Variants in DENND1A observed in about 807,000 individuals in gnomAD.
DENND1A encodes DENN domain-containing protein 1A.
A neutral mutation model predicts 113.7 loss-of-function variants in DENND1A; 51 were observed. The ratio of observed to expected loss-of-function variants is 0.45; its 90% CI spans 0.36 to 0.57. The LOEUF (loss-of-function observed/expected upper bound fraction) is 0.57, where lower values mean the gene tolerates loss of function less well. Among genes scored for constraint, DENND1A ranks in the 20% least tolerant of loss-of-function variants. The pLI, the probability that DENND1A is intolerant of heterozygous loss-of-function variation, is 0.00. For synonymous variants in DENND1A, 565 were observed against 570.8 expected, an observed-to-expected ratio of 0.99 and a Z score of 0.14; for missense variants, 1,258 against 1,395.9, an observed-to-expected ratio of 0.90 and a Z score of 1.57.
At chr9:123,800,087 C>A (rs898977971) in intron 2 of DENND1A, among the ~76,000 whole-genome samples, 3 of 152,202 alleles carry the variant, frequency 2.0e-5, no homozygotes, top group Admixed American at 6.5e-5. Flanking sequence ...TTATCAGAAA[C>A]TGATTTTCTC....
chr9:123,817,511 T>C (rs1445293964), intron 2 of DENND1A, among the ~76,000 whole-genome samples: 1 of 152,212 alleles, frequency 6.6e-6, no homozygotes, highest in Non-Finnish European at 1.5e-5. Context: ...CCTCACAAGA[T>C]AATAACCTTA....
At chr9:123,854,912 T>C (rs1173281846) in intron 2 of DENND1A, among the ~76,000 whole-genome samples, 1 of 150,392 alleles carries the variant, frequency 6.6e-6, no homozygotes, top group Non-Finnish European at 1.5e-5. Context: ...GGAAGGGAAA[T>C]AGAAGATAAT....
At chr9:123,782,873 C>T (rs78282207) in intron 3 of DENND1A, among the ~76,000 whole-genome samples, 2 of 151,584 alleles carry the variant, frequency 1.3e-5, no homozygotes, top group Admixed American at 1.3e-4. Flanking sequence ...CAGCTCCCCC[C>T]GCTCACATAC....
At chr9:123,735,825 CCT>C (rs2068519588) in intron 5 of DENND1A, among the ~76,000 whole-genome samples, 1 of 152,066 alleles carries the variant, frequency 6.6e-6, no homozygotes, top group Non-Finnish European at 1.5e-5. Flanking sequence ...ATGGTGAAAC[CCT>C]GTCTCTTCCA....
chr9:123,552,844 T>G (rs6478623), intron 13 of DENND1A, among the ~76,000 whole-genome samples: 54,349 of 152,226 alleles, frequency 0.36, 10,385 homozygotes, highest in African/African-American at 0.5. Context: ...CACATCCGTT[T>G]ACCCAGTAAA....
At chr9:123,786,170 T>C (rs1383856751) in intron 3 of DENND1A, among the ~76,000 whole-genome samples, 2 of 151,276 alleles carry the variant, frequency 1.3e-5, no homozygotes, top group Admixed American at 6.6e-5. Context: ...TCTGAGATTG[T>C]GCCATTGTAC....
intron 5 of DENND1A, among the ~76,000 whole-genome samples, chr9:123,698,661 G>A (rs966806296): frequency 1.3e-5 from 2 of 152,260 alleles, no homozygotes; most frequent in African/African-American, 4.8e-5. Context: ...TCAGCTCTAC[G>A]GATCCCTTAG....
At chr9:123,792,414 A>G (rs903473425) in intron 3 of DENND1A, among the ~76,000 whole-genome samples, 173 bp downstream of exon 3, 1 of 152,144 alleles carries the variant, frequency 6.6e-6, no homozygotes, top group Non-Finnish European at 1.5e-5. Context: ...TCTAGCACCA[A>G]TATTTTCAGT....
intron 13 of DENND1A, among the ~76,000 whole-genome samples, chr9:123,468,760 G>T (rs973182267): frequency 2.0e-5 from 3 of 152,212 alleles, no homozygotes; most frequent in Admixed American, 1.3e-4. Flanking sequence ...AGAGAGTGGG[G>T]ACAGCAGGCT....
At chr9:123,575,497 G>A (rs1245331647) in intron 12 of DENND1A, among the ~76,000 whole-genome samples, 6 of 152,130 alleles carry the variant, frequency 3.9e-5, no homozygotes, top group Admixed American at 2.0e-4. Context: ...TGGATTTTTG[G>A]AAAGAATACC....
chr9:123,391,335 G>A (rs989674493), intron 21 of DENND1A, among the ~76,000 whole-genome samples: 53 of 152,336 alleles, frequency 3.5e-4, no homozygotes, highest in African/African-American at 1.1e-3. Flanking sequence ...GAGCTTTGTC[G>A]AGTCCAGGCC....
intron 11 of DENND1A, among the ~76,000 whole-genome samples, chr9:123,603,847 C>G (rs1441053921): frequency 6.6e-6 from 1 of 152,204 alleles, no homozygotes; most frequent in East Asian, 1.9e-4. Context: ...AGCTTGGTAG[C>G]AAAGAAGCTC....
intron 5 of DENND1A, among the ~76,000 whole-genome samples, chr9:123,694,774 T>C (rs2065403651): frequency 6.6e-6 from 1 of 152,252 alleles, no homozygotes; most frequent in African/African-American, 2.4e-5. Context: ...ATGATCTTTT[T>C]GTCTACTGCA....
At chr9:123,385,346 G>T (rs1009734010) in intron 22 of DENND1A, among the ~76,000 whole-genome samples, 6 of 152,098 alleles carry the variant, frequency 3.9e-5, no homozygotes, top group African/African-American at 2.4e-5. Flanking sequence ...TGTATTTTTA[G>T]TAGAGACGGG....
chr9:123,692,622 A>T (rs1477807007), intron 5 of DENND1A, among the ~76,000 whole-genome samples: 1 of 152,230 alleles, frequency 6.6e-6, no homozygotes, highest in Non-Finnish European at 1.5e-5. Flanking sequence ...TTAACTAATT[A>T]AATATGACTT....
At chr9:123,519,292 T>C (rs1016000424) in intron 13 of DENND1A, among the ~76,000 whole-genome samples, 2 of 152,196 alleles carry the variant, frequency 1.3e-5, no homozygotes, top group African/African-American at 4.8e-5. Context: ...CTGTCTCCAG[T>C]CACTATTGTT....
intron 9 of DENND1A, among the ~76,000 whole-genome samples, chr9:123,641,283 C>A (rs1156354224): frequency 6.6e-6 from 1 of 152,044 alleles, no homozygotes; most frequent in East Asian, 1.9e-4. Context: ...CTTTAAAATT[C>A]TGATTCTTTA....
At chr9:123,896,185 G>A (rs1850726849) in intron 1 of DENND1A, among the ~76,000 whole-genome samples, 1 of 152,004 alleles carries the variant, frequency 6.6e-6, no homozygotes, top group Non-Finnish European at 1.5e-5. Flanking sequence ...GGTGGTACAC[G>A]CCTGTAGTCT....
rs2042276199 is a variant in DENND1A at position 123,381,671 on chromosome 9, C to T, written c.2974G>A (p.Ala992Thr). The T allele has an allele frequency of 1.9e-6, 3 of 1,595,490 alleles. No homozygotes were observed. The highest frequency in any genetic ancestry group is 3.3e-4 in the Middle Eastern group (2 of 6,012). The change falls in exon 24 of 24, where the codon GCC becomes ACC. Residue 992 changes from alanine to threonine, a missense_variant. Transcript: ENST00000394215. This position sits in a 1 kb window ranked among gnomAD's most constrained non-coding sequence, Gnocchi z 4.7. ...IRTLPLARSS[A>T]RAAETKQGLA... ...CCCTGCTTGGTCTCAGCAGCCCTGG[C>T]ACTTGAGCGGGCCAGGGGCAACGTT...
Sources: gnomAD v4.1 joint callset for allele counts (sites outside exome capture counted in the v4.1 genomes callset) on GRCh38, gnomAD v4.1.1 for gene constraint, Gnocchi (gnomAD v3.1) non-coding constraint, MANE v1.5 for transcripts, NCBI Gene and HGNC (gene_info 2026-07-23, HGNC 2026-07-21) for gene names.